The following ADAM23 variants were observed in gnomAD, a reference collection of about 807,000 sequenced individuals.
ADAM23 encodes disintegrin and metalloproteinase domain-containing protein 23.
In ADAM23, 33 loss-of-function variants were observed where a neutral mutation model predicts 120.1. The observed-to-expected ratio is 0.27, with a 90% CI of 0.21 to 0.37. The LOEUF is 0.37. Among genes scored for constraint, ADAM23 ranks in the 10% least tolerant of loss-of-function variants. The pLI is 1.00. For synonymous variants in ADAM23, 367 were observed against 375.2 expected, an observed-to-expected ratio of 0.98 and a Z score of 0.25; for missense variants, 862 against 1,058.2, an observed-to-expected ratio of 0.81 and a Z score of 2.57.
chr2:206,521,529 A>G (rs1696842134), intron 3 of ADAM23, among the ~76,000 whole-genome samples: 1 of 152,228 alleles, frequency 6.6e-6, no homozygotes, highest in Non-Finnish European at 1.5e-5. Context: ...GTTAAGCAAA[A>G]GAAAGAAAAT....
chr2:206,445,224 G>A, intron 1 of ADAM23, 83 bp from the exon 2 acceptor site: 1 of 971,892 alleles, frequency 1.0e-6, no homozygotes, highest in Non-Finnish European at 1.6e-6. Context: ...ATGCATTTTA[G>A]TGCTTATGTA....
At chr2:206,605,708 T>A (rs1045585595) in intron 24 of ADAM23, 6 of 694,940 alleles carry the variant, frequency 8.6e-6, no homozygotes, top group Non-Finnish European at 1.6e-5. Flanking sequence ...TCAAAGCATG[T>A]CCTGAATAGA....
chr2:206,491,109 G>A (rs1460976147), intron 3 of ADAM23, among the ~76,000 whole-genome samples: 4 of 152,026 alleles, frequency 2.6e-5, no homozygotes, highest in African/African-American at 4.8e-5. Context: ...ACAAAATCCA[G>A]CATAACTCTT....
rs1035232088 is a variant in ADAM23, at chr2:206,457,062, AAG to A, written c.432+11543_432+11544del. ...TAACAATGTGAATCAATCAATGCTT[AAG>A]AGAGTCCTCTCTCCCCATGTTTATC... On this transcript the variant is annotated intron_variant, in intron 2 of 25. Coordinates refer to ENST00000264377, the MANE Select transcript of ADAM23 (RefSeq NM_003812.4). Among the ~76,000 whole-genome samples, 7 of 152,222 alleles carry A rather than the reference AAG, an allele frequency of 4.6e-5. No homozygotes were observed. The South Asian group carries it at 6.2e-4, about 13-fold the overall frequency.
At chr2:206,564,142 C>A (rs754162178) in intron 13 of ADAM23, among the ~76,000 whole-genome samples, 120 of 152,050 alleles carry the variant, frequency 7.9e-4, no homozygotes, top group African/African-American at 1.6e-3. Flanking sequence ...ACCTCTCTCT[C>A]TCTATATAGG....
chr2:206,604,368 CAT>C (rs1375987395), intron 24 of ADAM23, among the ~76,000 whole-genome samples: 1 of 152,194 alleles, frequency 6.6e-6, no homozygotes, highest in Non-Finnish European at 1.5e-5. Context: ...AATGAGGCTT[CAT>C]ATTTTGAATA....
intron 9 of ADAM23, among the ~76,000 whole-genome samples, chr2:206,555,183 A>G (rs1574531068): frequency 6.6e-6 from 1 of 152,180 alleles, no homozygotes; most frequent in East Asian, 1.9e-4. Flanking sequence ...AGAACTGCCT[A>G]TTTGATATCT....
At chr2:206,501,019 G>A (rs889194158) in intron 3 of ADAM23, among the ~76,000 whole-genome samples, 1 of 149,906 alleles carries the variant, frequency 6.7e-6, no homozygotes, top group Admixed American at 6.6e-5. Flanking sequence ...ACTTAGTTGT[G>A]TGTAGTGTTT....
chr2:206,510,581 A>G (rs182846349), intron 3 of ADAM23, among the ~76,000 whole-genome samples: 70 of 152,248 alleles, frequency 4.6e-4, no homozygotes, highest in Non-Finnish European at 9.0e-4. Context: ...TACTTCCTGG[A>G]TTATTTGTGT....
At chr2:206,491,012 C>A (rs566758142) in intron 3 of ADAM23, among the ~76,000 whole-genome samples, 1 of 152,238 alleles carries the variant, frequency 6.6e-6, no homozygotes, top group African/African-American at 2.4e-5. Flanking sequence ...GAATGACTTG[C>A]ACAATTAAAC....
intron 3 of ADAM23, among the ~76,000 whole-genome samples, chr2:206,509,186 T>A (rs1366579795): frequency 6.6e-6 from 1 of 152,182 alleles, no homozygotes; most frequent in Non-Finnish European, 1.5e-5. Context: ...TTTGGAAAAG[T>A]GACTGCTCAT....
At chr2:206,450,004 AT>A (rs1695159807) in intron 2 of ADAM23, among the ~76,000 whole-genome samples, 1 of 152,070 alleles carries the variant, frequency 6.6e-6, no homozygotes, top group Non-Finnish European at 1.5e-5. Context: ...CTTGGTGATT[AT>A]TTTTGTTTCC....
At chr2:206,464,507 G>A (rs201373333) in intron 2 of ADAM23, among the ~76,000 whole-genome samples, 41 of 152,026 alleles carry the variant, frequency 2.7e-4, no homozygotes, top group Non-Finnish European at 3.8e-4. Flanking sequence ...CCCAGGAGGC[G>A]GAGGTTGCAG....
At chr2:206,539,685 G>A (rs1697251401) in intron 4 of ADAM23, among the ~76,000 whole-genome samples, 1 of 152,106 alleles carries the variant, frequency 6.6e-6, no homozygotes, top group Non-Finnish European at 1.5e-5. Context: ...TGGGCTCCCT[G>A]TACTGGCCCA....
rs113518350 is a variant in ADAM23, at chr2:206,596,141, C to T, written c.2338C>T (p.Pro780Ser). 2.5e-6 allele frequency: 4 copies of T among 1,613,944 alleles called. No homozygotes were observed. Among genetic ancestry groups the T allele is most frequent in the South Asian group, 1.1e-5 (1 of 91,040 alleles). ...IRDPVRNLHP[P>S]KDEGPKGPSA... is the part of the protein sequence containing the mutation. ...GGATCCAGTTAGGAACCTTCACCCC[C>T]CCAAGGATGAAGGACCCAAGGGTTT... Residue 780 changes from proline (P) to serine (S), a missense_variant, in exon 24 of 26, where the codon CCC (proline) becomes TCC (serine). Pro to Ser is a moderately conservative substitution (Grantham distance 74, BLOSUM62 -1). Around this residue, in one of 4 missense-constraint regions of ADAM23, gnomAD observed 617 missense variants for 813.5 expected, o/e 0.76. Transcript: ENST00000264377.
intron 9 of ADAM23, among the ~76,000 whole-genome samples, chr2:206,557,049 A>G (rs1322966322): frequency 2.0e-5 from 3 of 152,136 alleles, no homozygotes; most frequent in Admixed American, 6.5e-5. Context: ...ATCGATTTCT[A>G]TAGGTCCTTA....
At chr2:206,544,652 G>T (rs541649802) in intron 6 of ADAM23, among the ~76,000 whole-genome samples, 2 of 144,824 alleles carry the variant, frequency 1.4e-5, no homozygotes, top group South Asian at 2.2e-4. Flanking sequence ...TCGCTCTTTC[G>T]CCTAGGCTGG....
In ADAM23 at chr2:206,478,507, TATG is replaced by T. The variant is rs58463126; in HGVS notation, c.433-2691_433-2689del. On this transcript the variant is annotated intron_variant, in intron 2 of 25. Coordinates refer to ENST00000264377, the MANE Select transcript of ADAM23 (RefSeq NM_003812.4). ...TGTTAAGATGTTTGAATCATAATGATATGATGATGATGATGATGATGATGATGA... is the reference window on the plus strand; with the variant it reads ...TGTTAAGATGTTTGAATCATAATGATATGATGATGATGATGATGATGATGA... Among the ~76,000 whole-genome samples, 1,019 of 150,456 alleles carry T rather than the reference TATG, an allele frequency of 6.8e-3. 5 individuals carry two copies. Among genetic ancestry groups the T allele is most frequent in the African/African-American group, 9.8e-3 (399 of 40,890 alleles).
intron 22 of ADAM23, among the ~76,000 whole-genome samples, chr2:206,593,243 G>A (rs1260215699): frequency 6.6e-6 from 1 of 152,140 alleles, no homozygotes; most frequent in Admixed American, 6.5e-5. Flanking sequence ...TGAGTACAAG[G>A]CATGTAGATA....
Sources: gnomAD v4.1 joint callset for allele counts (sites outside exome capture counted in the v4.1 genomes callset) on GRCh38, gnomAD v4.1.1 for gene constraint, gnomAD v4.1.1 regional missense constraint, MANE v1.5 for transcripts, NCBI Gene and HGNC (gene_info 2026-07-23, HGNC 2026-07-21) for gene names.